The following UBE2R2 variants were observed in gnomAD, a reference collection of about 807,000 sequenced individuals.
The protein encoded by UBE2R2 is ubiquitin conjugating enzyme E2 R2.
In UBE2R2, 1 loss-of-function variant was observed where a neutral mutation model predicts 27.8. The ratio of observed to expected loss-of-function variants is 0.04; its 90% confidence interval spans 0.01 to 0.17. The LOEUF (loss-of-function observed/expected upper bound fraction) is 0.17. Ranked by LOEUF, UBE2R2 falls within the 10% of genes least tolerant of loss-of-function variation. UBE2R2 has a pLI of 1.00. For synonymous variants in UBE2R2, 106 were observed against 113.3 expected, an observed-to-expected ratio of 0.94 and a Z score of 0.41; for missense variants, 100 against 291.0, an observed-to-expected ratio of 0.34 and a Z score of 4.78.
At chr9:33,842,896 A>G (rs72725378) in intron 1 of UBE2R2, among the ~76,000 whole-genome samples, 11,971 of 151,912 alleles carry the variant, frequency 0.079, 680 homozygotes, top group Non-Finnish European at 0.12. Flanking sequence ...TATTCTAGCC[A>G]CATGCCATGA....
At chr9:33,888,923 C>T (rs1337503708) in intron 2 of UBE2R2, among the ~76,000 whole-genome samples, 1 of 152,174 alleles carries the variant, frequency 6.6e-6, no homozygotes, top group African/African-American at 2.4e-5. Context: ...TCATTTTCCA[C>T]AGTCTGTTTC....
chr9:33,915,674 T>C (rs1822624491), intron 4 of UBE2R2, among the ~76,000 whole-genome samples: 1 of 152,204 alleles, frequency 6.6e-6, no homozygotes, highest in African/African-American at 2.4e-5. Context: ...TCAGTATTTA[T>C]TGCACACCTC....
At chr9:33,832,096 G>T (rs7873609) in intron 1 of UBE2R2, among the ~76,000 whole-genome samples, 1 of 142,012 alleles carries the variant, frequency 7.0e-6, no homozygotes, top group South Asian at 2.3e-4. Context: ...ATCACCTGAG[G>T]TTGGGAGTTC....
chr9:33,824,350 G>T (rs996326655), intron 1 of UBE2R2, among the ~76,000 whole-genome samples: 1 of 151,026 alleles, frequency 6.6e-6, no homozygotes, highest in African/African-American at 2.4e-5. Context: ...AAATTAGCTG[G>T]TGTGGGCCGG....
In UBE2R2 at chr9:33,914,754, G is replaced by A. The variant is rs140750206; in HGVS notation, c.498-2264G>A. ...GAAGGCAAGAGAATTGCTTGAACCCGGGAGGCAGAGGTTGCAGTGAGCTGA... is the reference window on the plus strand; with the variant it reads ...GAAGGCAAGAGAATTGCTTGAACCCAGGAGGCAGAGGTTGCAGTGAGCTGA... On this transcript the variant is annotated intron_variant, in intron 4 of 4. Coordinates refer to ENST00000263228, the MANE Select transcript of UBE2R2 (RefSeq NM_017811.4). Among the ~76,000 whole-genome samples the A allele has an allele frequency of 1.9e-3, 293 of 151,998 alleles. 2 individuals are homozygous for A. The highest frequency in any genetic ancestry group is 6.6e-3 in the African/African-American group (274 of 41,438).
intron 1 of UBE2R2, among the ~76,000 whole-genome samples, chr9:33,877,823 G>GTCTGTCTCTCTT: frequency 5.3e-5 from 7 of 131,126 alleles, no homozygotes; most frequent in East Asian, 2.1e-4. Context: ...CTGTCTGTCT[G>GTCTGTCTCTCTT]TCTCTCTCTC....
chr9:33,836,800 C>T (rs1208722997), intron 1 of UBE2R2, among the ~76,000 whole-genome samples: 3 of 151,438 alleles, frequency 2.0e-5, no homozygotes, highest in African/African-American at 7.3e-5. Context: ...AGGAAGTGTG[C>T]CTAGCAGGTA....
chr9:33,837,157 A>G (rs912156599), intron 1 of UBE2R2, among the ~76,000 whole-genome samples: 3 of 152,108 alleles, frequency 2.0e-5, no homozygotes, highest in African/African-American at 4.8e-5. Context: ...GGGAGCACCC[A>G]TTATCTGGAT....
At chr9:33,857,035 T>G (rs1378374816) in intron 1 of UBE2R2, among the ~76,000 whole-genome samples, 1 of 151,552 alleles carries the variant, frequency 6.6e-6, no homozygotes, top group Non-Finnish European at 1.5e-5. Context: ...TAGCTGGGAT[T>G]ACAGGCGCGT....
chr9:33,857,139 G>T (rs10971742), intron 1 of UBE2R2, among the ~76,000 whole-genome samples: 2 of 150,730 alleles, frequency 1.3e-5, no homozygotes, highest in Admixed American at 6.6e-5. Flanking sequence ...CAGGTGATCC[G>T]CCCGTCTGAG....
chr9:33,897,539 A>C (rs1481865855), intron 2 of UBE2R2, among the ~76,000 whole-genome samples: 1 of 150,308 alleles, frequency 6.7e-6, no homozygotes, highest in Non-Finnish European at 1.5e-5. Flanking sequence ...GCTGGTCTCG[A>C]ACTCCTGACC....
chr9:33,872,574 G>T lies in UBE2R2; in HGVS notation c.178-14307G>T, dbSNP rs577312323. ...GGCCAAGGCGGGCAAATCACCTGAG[G>T]TCAGAAGGTCAAGACCAACCTGACC... On this transcript the variant is annotated intron_variant, in intron 1 of 4. Coordinates refer to ENST00000263228, the MANE Select transcript of UBE2R2 (RefSeq NM_017811.4). Among the ~76,000 whole-genome samples, 3 of 152,194 alleles carry T rather than the reference G, an allele frequency of 2.0e-5. No homozygotes were observed. The South Asian group carries it at 6.2e-4, about 32-fold the overall frequency.
At chr9:33,827,357 T>C (rs1820337068) in intron 1 of UBE2R2, among the ~76,000 whole-genome samples, 1 of 151,950 alleles carries the variant, frequency 6.6e-6, no homozygotes, top group African/African-American at 2.4e-5. Context: ...TAAAAATAAA[T>C]AGGCTGGGCA....
chr9:33,880,285 G>T (rs1821704518), intron 1 of UBE2R2, among the ~76,000 whole-genome samples: 1 of 152,126 alleles, frequency 6.6e-6, no homozygotes, highest in Non-Finnish European at 1.5e-5. Flanking sequence ...TTCTATTTGA[G>T]TATTGCTTTA....
intron 1 of UBE2R2, among the ~76,000 whole-genome samples, chr9:33,865,838 T>TC (rs889315221): frequency 6.6e-6 from 1 of 150,730 alleles, no homozygotes. Flanking sequence ...TTTTTTTGTT[T>TC]TTTTTTTTTT....
At chr9:33,820,791 A>G (rs998224872) in intron 1 of UBE2R2, among the ~76,000 whole-genome samples, 2 of 152,194 alleles carry the variant, frequency 1.3e-5, no homozygotes, top group Admixed American at 1.3e-4. Flanking sequence ...ACTTTTATAT[A>G]TTAATAGGTT....
chr9:33,886,124 G>A (rs567666196), intron 1 of UBE2R2, among the ~76,000 whole-genome samples: 6 of 152,198 alleles, frequency 3.9e-5, no homozygotes, highest in South Asian at 2.1e-4. Flanking sequence ...TTAAAAATAC[G>A]TTTTGTAAGG....
chr9:33,834,922 AAAC>A (rs1175491154), intron 1 of UBE2R2, among the ~76,000 whole-genome samples: 5 of 66,892 alleles, frequency 7.5e-5, no homozygotes, highest in African/African-American at 2.6e-4. Context: ...GGAAAAAAAA[AAAC>A]AAAAGAAAAG....
chr9:33,823,585 A>G (rs1201222128), intron 1 of UBE2R2, among the ~76,000 whole-genome samples: 1 of 152,128 alleles, frequency 6.6e-6, no homozygotes, highest in Non-Finnish European at 1.5e-5. Context: ...CATGTTGTCC[A>G]GGCTGGTCTC....
Sources: gnomAD v4.1 joint callset for allele counts (sites outside exome capture counted in the v4.1 genomes callset) on GRCh38, gnomAD v4.1.1 for gene constraint, MANE v1.5 for transcripts, NCBI Gene and HGNC (gene_info 2026-07-23, HGNC 2026-07-21) for gene names.